The following SPECC1 variants were observed in gnomAD, a reference collection of about 807,000 sequenced individuals.
SPECC1 encodes cytospin-B.
In SPECC1, 62 loss-of-function variants were observed where a neutral mutation model predicts 104.1. The observed-to-expected ratio is 0.60, with a 90% confidence interval of 0.49 to 0.74. The LOEUF (loss-of-function observed/expected upper bound fraction) is 0.74, where lower values mean the gene tolerates loss of function less well. Ranked by LOEUF, SPECC1 falls within the 30% of genes least tolerant of loss-of-function variation. SPECC1 has a pLI of 0.00. For synonymous variants in SPECC1, 513 were observed against 501.6 expected (o/e 1.02, Z -0.30); for missense variants, 1,306 against 1,310.5 (o/e 1.00, Z 0.05).
chr17:20,212,209 C>T (rs926719571), intron 4 of SPECC1, among the ~76,000 whole-genome samples: 3 of 152,216 alleles, frequency 2.0e-5, no homozygotes, highest in African/African-American at 7.2e-5. Context: ...AACTTTAGGC[C>T]AATAAGAATG....
At chr17:20,267,592 A>G (rs2040259960) in intron 12 of SPECC1, among the ~76,000 whole-genome samples, 1 of 152,056 alleles carries the variant, frequency 6.6e-6, no homozygotes, top group South Asian at 2.1e-4. Flanking sequence ...GGAAATTCAA[A>G]GCATGAGAAG....
chr17:20,150,305 C>T lies in SPECC1; in HGVS notation c.283+39743C>T, dbSNP rs1357760492. On this transcript the variant is annotated intron_variant, in intron 3 of 14. Coordinates refer to ENST00000395527, the MANE Select transcript of SPECC1 (RefSeq NM_001243439.2). ...GCCTTTTTTCTTTTTTTTTTTGGGA[C>T]GGAGTCTCAGCTCATCACAACCTTT... Among the ~76,000 whole-genome samples, 8 of 146,628 alleles carry T rather than the reference C, an allele frequency of 5.5e-5. No individual in the cohort carries two copies. In the South Asian group the frequency reaches 9.0e-4, roughly 16 times the overall value.
chr17:20,034,334 T>G (rs765169842), intron 1 of SPECC1, among the ~76,000 whole-genome samples: 2 of 152,094 alleles, frequency 1.3e-5, no homozygotes, highest in Non-Finnish European at 2.9e-5. Context: ...CCTGACCGTG[T>G]GATCCACCTG....
intron 2 of SPECC1, among the ~76,000 whole-genome samples, chr17:20,102,018 A>G (rs1265800287): frequency 6.6e-6 from 1 of 152,256 alleles, no homozygotes; most frequent in East Asian, 1.9e-4. Flanking sequence ...CAGCTTAAAT[A>G]TCAGTGAAGC....
intron 1 of SPECC1, among the ~76,000 whole-genome samples, chr17:20,081,526 T>A (rs1208563533): frequency 6.6e-6 from 1 of 152,052 alleles, no homozygotes; most frequent in African/African-American, 2.4e-5. Context: ...AGGGACCGAC[T>A]GGAGGGCTTT....
At chr17:20,266,428 CA>C (rs938589695) in intron 12 of SPECC1, among the ~76,000 whole-genome samples, 74 of 152,018 alleles carry the variant, frequency 4.9e-4, no homozygotes, top group Non-Finnish European at 8.8e-4. Flanking sequence ...CTAAAAAATA[CA>C]AAAAATTAGC....
At chr17:20,044,692 G>A (rs888282799) in intron 1 of SPECC1, among the ~76,000 whole-genome samples, 4 of 152,152 alleles carry the variant, frequency 2.6e-5, no homozygotes. Context: ...AGCTGTATGT[G>A]GCATTTTAAT....
intron 12 of SPECC1, among the ~76,000 whole-genome samples, chr17:20,279,323 CTTTTTTT>C (rs548300449): frequency 8.8e-6 from 1 of 113,732 alleles, no homozygotes. Context: ...TTTTTTTTTT[CTTTTTTT>C]TTTTTTTCTG....
At chr17:20,144,186 T>C (rs1211523255) in intron 3 of SPECC1, among the ~76,000 whole-genome samples, 31 of 134,206 alleles carry the variant, frequency 2.3e-4, no homozygotes, top group Admixed American at 8.8e-4. Flanking sequence ...TTTTTTTTTT[T>C]TTTTTTTTTT....
chr17:20,011,724 AG>A (rs1285192986), intron 1 of SPECC1, among the ~76,000 whole-genome samples: 1 of 152,110 alleles, frequency 6.6e-6, no homozygotes, highest in African/African-American at 2.4e-5. Context: ...TTATTTAATC[AG>A]TCCTGTGAAC....
intron 1 of SPECC1, among the ~76,000 whole-genome samples, chr17:20,042,959 G>A (rs574621156): frequency 4.0e-4 from 61 of 152,264 alleles, no homozygotes; most frequent in African/African-American, 1.4e-3. Context: ...GAAGAACAGG[G>A]AAAAGTATGT....
intron 4 of SPECC1, among the ~76,000 whole-genome samples, chr17:20,210,004 AC>A (rs1445701338): frequency 6.6e-6 from 1 of 152,148 alleles, no homozygotes; most frequent in Non-Finnish European, 1.5e-5. Context: ...ATTATAAATA[AC>A]CCCTTGGCAT....
At chr17:20,042,120 C>T (rs771387008) in intron 1 of SPECC1, among the ~76,000 whole-genome samples, 10 of 152,168 alleles carry the variant, frequency 6.6e-5, no homozygotes, top group Non-Finnish European at 1.3e-4. Flanking sequence ...TTATTTAAAC[C>T]TGTTTTGAAC....
At chr17:20,037,695 G>T (rs8082671) in intron 1 of SPECC1, among the ~76,000 whole-genome samples, 10,503 of 152,060 alleles carry the variant, frequency 0.069, 990 homozygotes, top group African/African-American at 0.21. Context: ...GAATTCTTCA[G>T]TGAAACCATC....
chr17:20,255,235 T>C (rs1224833898), intron 10 of SPECC1, among the ~76,000 whole-genome samples: 1 of 151,650 alleles, frequency 6.6e-6, no homozygotes, highest in Non-Finnish European at 1.5e-5. Context: ...ACAAACAGAG[T>C]TCAGTGGAGG....
chr17:20,063,933 G>A (rs182031084), intron 1 of SPECC1, among the ~76,000 whole-genome samples: 1 of 152,344 alleles, frequency 6.6e-6, no homozygotes, highest in African/African-American at 2.4e-5. Flanking sequence ...CAATCACTTA[G>A]AGGTGCTGAG....
intron 12 of SPECC1, among the ~76,000 whole-genome samples, chr17:20,286,181 A>G (rs1004967055): frequency 3.9e-4 from 60 of 152,314 alleles, no homozygotes; most frequent in Admixed American, 1.3e-4. Context: ...TAGAAAGCAC[A>G]GCATTCAGCC....
intron 12 of SPECC1, among the ~76,000 whole-genome samples, chr17:20,285,159 C>T (rs2040900664): frequency 6.6e-6 from 1 of 152,164 alleles, no homozygotes; most frequent in African/African-American, 2.4e-5. Flanking sequence ...ACCAGGCAAC[C>T]AAGGCAAGCG....
intron 12 of SPECC1, among the ~76,000 whole-genome samples, chr17:20,294,445 G>A (rs1371074622): frequency 6.6e-6 from 1 of 152,178 alleles, no homozygotes; most frequent in Non-Finnish European, 1.5e-5. Flanking sequence ...TTCCCCCTGA[G>A]AAGCCTCCTA....
Sources: gnomAD v4.1 joint callset for allele counts (sites outside exome capture counted in the v4.1 genomes callset) on GRCh38, gnomAD v4.1.1 for gene constraint, MANE v1.5 for transcripts, NCBI Gene and HGNC (gene_info 2026-07-23, HGNC 2026-07-21) for gene names.